Variants in DAGLB observed in about 807,000 individuals in gnomAD.
DAGLB encodes the protein diacylglycerol lipase beta.
DAGLB carries 66 observed loss-of-function variants against 72.1 expected under a neutral mutation model. The ratio of observed to expected loss-of-function variants is 0.92; its 90% CI spans 0.75 to 1.12. DAGLB has a LOEUF of 1.12. DAGLB is among the 50% of genes most tolerant of loss of function. The pLI, the probability that DAGLB is intolerant of heterozygous loss-of-function variation, is 0.00. For missense variants in DAGLB, 1,065 were observed against 884.9 expected, an observed-to-expected ratio of 1.20 and a Z score of -2.58; for synonymous variants, 414 against 359.5, an observed-to-expected ratio of 1.15 and a Z score of -1.71.
intron 11 of DAGLB, among the ~76,000 whole-genome samples, chr7:6,413,329 T>C (rs1783796991): frequency 6.6e-6 from 1 of 152,084 alleles, no homozygotes; most frequent in Non-Finnish European, 1.5e-5. Flanking sequence ...CTTGGAAGAC[T>C]CCATCAAAGA....
At chr7:6,437,485 G>A (rs1784702810) in intron 2 of DAGLB, among the ~76,000 whole-genome samples, 1 of 152,110 alleles carries the variant, frequency 6.6e-6, no homozygotes, top group Non-Finnish European at 1.5e-5. Context: ...AGGCTGGAGT[G>A]TGGTGGCACA....
At chr7:6,410,541 GC>G (rs1418131572) in intron 13 of DAGLB, among the ~76,000 whole-genome samples, 161 bp from the exon 14 acceptor site, 5 of 152,178 alleles carry the variant, frequency 3.3e-5, no homozygotes, top group African/African-American at 1.2e-4. Flanking sequence ...GTGCTGGGTG[GC>G]AGCCACCTCG....
chr7:6,422,544 G>A (rs1784162427), intron 8 of DAGLB: 1 of 154,470 alleles, frequency 6.5e-6, no homozygotes, highest in African/African-American at 2.4e-5. Flanking sequence ...GTTAAAGACA[G>A]TGGGCCCAAG....
Position 6,424,778 on chromosome 7 carries a change from C to A in DAGLB, c.1114G>T (p.Ala372Ser). 1.9e-6 allele frequency: 3 copies of A among 1,613,788 alleles called. No homozygotes were observed. Among genetic ancestry groups the A allele is most frequent in the Non-Finnish European group, 2.5e-6 (3 of 1,179,838 alleles). ...TGCAGAGACATGGTCCCCCTCACAG[C>A]GACCACAACAGACTCTTTCCTGTGA... ...LDHRKESVVV[A>S]VRGTMSLQDV... The change falls in exon 8 of 15, where the codon GCT (alanine) becomes TCT (serine). Residue 372 changes from alanine to serine, a missense_variant. Transcript: ENST00000297056.
chr7:6,447,758 G>C lies in DAGLB; in HGVS notation c.85C>G (p.Arg29Gly). 2 of 1,613,084 alleles carry C rather than the reference G, an allele frequency of 1.2e-6. No individual in the cohort carries two copies. Among genetic ancestry groups the C allele is most frequent in the Non-Finnish European group, 1.7e-6 (2 of 1,179,658 alleles). The change falls in exon 1 of 15, where the codon CGA (arginine) becomes GGA (glycine). Residue 29 changes from arginine (R) to glycine (G), a missense_variant. Physicochemically the swap from Arg to Gly is moderately radical, Grantham distance 125. Transcript: ENST00000297056. Reference protein sequence around the residue: ...VFPGFFELVVRVLWWIGILTL... With the variant: ...VFPGFFELVVGVLWWIGILTL... ...AGCCGCCGTCCTTACCACAGCACTC[G>C]CACGACCAGCTCGAAGAACCCTGGG...
chr7:6,412,937 G>A, intron 12 of DAGLB, 29 bp downstream of exon 12: 1 of 1,613,480 alleles, frequency 6.2e-7, no homozygotes, highest in Non-Finnish European at 8.5e-7. Flanking sequence ...CAACCCCCCA[G>A]CCCTGGGCAC....
rs1460489544 is a variant in DAGLB, at chr7:6,447,810, C to G, written c.33G>C (p.Trp11Cys). The G allele has an allele frequency of 5.6e-6, 9 of 1,613,062 alleles. No homozygotes were observed. The highest frequency in any genetic ancestry group is 3.4e-6 in the Non-Finnish European group (4 of 1,179,702). The change falls in exon 1 of 15, where the codon TGG becomes TGC. Residue 11 changes from tryptophan (W) to cysteine (C), a missense_variant. Physicochemically the swap from Trp to Cys is radical, Grantham distance 215. Coordinates refer to ENST00000297056, the MANE Select transcript of DAGLB (RefSeq NM_139179.4). ...AGACCAAGTCGTCGCTGGCGATGGC[C>G]CAGCGCCGGCCGAAGAGTACCATCC... is the stretch of plus-strand genomic sequence containing the variant. The part of the protein sequence containing the change: MPGMVLFGRR[W>C]AIASDDLVFP...
chr7:6,442,664 G>A (rs1233569133), intron 2 of DAGLB, among the ~76,000 whole-genome samples: 1 of 152,182 alleles, frequency 6.6e-6, no homozygotes, highest in Non-Finnish European at 1.5e-5. Context: ...TTAAGCATCT[G>A]GCACCAATGA....
chr7:6,444,054 C>A (rs968722957), intron 2 of DAGLB, among the ~76,000 whole-genome samples: 1 of 151,950 alleles, frequency 6.6e-6, no homozygotes, highest in Non-Finnish European at 1.5e-5. Context: ...ATCACCTGAG[C>A]CCAGGAGTTC....
intron 5 of DAGLB, among the ~76,000 whole-genome samples, chr7:6,431,536 C>T (rs1247274358): frequency 1.3e-5 from 2 of 152,156 alleles, no homozygotes; most frequent in East Asian, 1.9e-4. Context: ...CTTTGGGGGG[C>T]CAAGGCCGGC....
At chr7:6,425,128 G>C (rs1234217389) in intron 7 of DAGLB, among the ~76,000 whole-genome samples, 1 of 152,248 alleles carries the variant, frequency 6.6e-6, no homozygotes, top group Non-Finnish European at 1.5e-5. Flanking sequence ...CCTCAGCAGT[G>C]TTAAAAGCTC....
intron 1 of DAGLB, 52 bp downstream of exon 1, chr7:6,447,696 C>T: frequency 6.3e-7 from 1 of 1,580,184 alleles, no homozygotes; most frequent in Non-Finnish European, 8.6e-7. Context: ...GACAGCTCGC[C>T]CCCCGCTCCC....
intron 2 of DAGLB, among the ~76,000 whole-genome samples, chr7:6,442,731 G>A (rs1198389376): frequency 6.6e-6 from 1 of 152,148 alleles, no homozygotes; most frequent in Non-Finnish European, 1.5e-5. Context: ...CAGCCTCCTT[G>A]CGTGGATGTT....
At chr7:6,430,159 C>A (rs899287432) in intron 6 of DAGLB, among the ~76,000 whole-genome samples, 1 of 148,640 alleles carries the variant, frequency 6.7e-6, no homozygotes, top group Non-Finnish European at 1.5e-5. Context: ...GAGCTGAGAT[C>A]ACGCCACTGC....
chr7:6,410,880 A>ATTT lies in DAGLB; in HGVS notation c.1570-503_1570-501dup, dbSNP rs35960882. Among the ~76,000 whole-genome samples, 189 of 98,176 alleles carry ATTT rather than the reference A, an allele frequency of 1.9e-3. 1 individual carries two copies. The highest frequency in any genetic ancestry group is 2.8e-3 in the East Asian group (9 of 3,158). The allele number at this position is 98,176 out of a possible 152,430, so 64.4% of individuals were successfully genotyped here. A position where few individuals can be genotyped will look rare whatever the true frequency, so the allele number is the denominator to read the frequency against. On this transcript the variant is annotated intron_variant, in intron 13 of 14. Transcript: ENST00000297056. ...CCACCATGCCCGGCTAATTTTTTGT[A>ATTT]TTTTTTTTTTTTTTTTTTTTTTGAG...
chr7:6,424,937 C>T (rs1187557574), intron 7 of DAGLB, 102 bp from the exon 8 acceptor site: 7 of 1,169,080 alleles, frequency 6.0e-6, no homozygotes, highest in South Asian at 2.5e-5. Context: ...CCAAGTCCTG[C>T]GGCACAGAGA....
intron 9 of DAGLB, among the ~76,000 whole-genome samples, chr7:6,419,850 G>A (rs1281780929): frequency 2.0e-5 from 3 of 152,186 alleles, no homozygotes; most frequent in Non-Finnish European, 4.4e-5. Context: ...ATACAAAAAA[G>A]ACAGCAAAGG....
intron 11 of DAGLB, among the ~76,000 whole-genome samples, chr7:6,413,728 C>T (rs1225779445): frequency 6.6e-6 from 1 of 152,166 alleles, no homozygotes; most frequent in Non-Finnish European, 1.5e-5. Flanking sequence ...GAGGCTGGAG[C>T]CTCCAAACAC....
rs568596616 is a variant in DAGLB, at chr7:6,413,104, A to C, written c.1428-70T>G. Reference sequence around the variant, plus strand: ...TGCCCACAAGGGCTTCCATGAAAGAAATCAGTAACACTGAGGGGTTAGGTT... The same window carrying C: ...TGCCCACAAGGGCTTCCATGAAAGACATCAGTAACACTGAGGGGTTAGGTT... On this transcript the variant is annotated intron_variant, in intron 11 of 14. Coordinates refer to ENST00000297056, the MANE Select transcript of DAGLB (RefSeq NM_139179.4). 3.3e-6 allele frequency: 5 copies of C among 1,520,336 alleles called. No homozygotes were observed. In the South Asian group the frequency reaches 4.7e-5, roughly 14 times the overall value. The allele number at this position is 1,520,336 out of a possible 1,614,324, so 94.2% of individuals were successfully genotyped here. A position where few individuals can be genotyped will look rare whatever the true frequency, so the allele number is the denominator to read the frequency against.
Sources: allele counts gnomAD v4.1 joint callset (sites outside exome capture counted in the v4.1 genomes callset), GRCh38; gene constraint gnomAD v4.1.1; transcripts MANE v1.5; gene names NCBI Gene and HGNC (gene_info 2026-07-23, HGNC 2026-07-21).